The following MAF variants were observed in gnomAD, a reference collection of about 807,000 sequenced individuals.
MAF encodes MAF bZIP transcription factor.
In MAF, 10 loss-of-function variants were observed where a neutral mutation model predicts 22.0. That is an observed-to-expected ratio of 0.45 (90% CI 0.28 to 0.77). MAF has a LOEUF of 0.77. MAF is among the 30% of genes least tolerant of loss of function. The probability of loss-of-function intolerance (pLI) is 0.12; values close to 1 mark genes in which losing one functional copy is unlikely to be tolerated. For synonymous variants in MAF, 337 were observed against 255.8 expected (o/e 1.32, Z -3.03); for missense variants, 544 against 548.4 (o/e 0.99, Z 0.08).
At chr16:79,596,912 G>C in intron 1 of MAF, 2 of 1,049,660 alleles carry the variant, frequency 1.9e-6, no homozygotes, top group Non-Finnish European at 2.3e-6. Flanking sequence ...TATGCTTGCA[G>C]GTTATATCTT....
At chr16:79,554,744 C>G in the MAF span, among the ~76,000 whole-genome samples, 1 of 152,160 alleles carries the variant, frequency 6.6e-6, no homozygotes, top group African/African-American at 2.4e-5. Context: ...GAAGCTCCCA[C>G]AAATAAGATT....
the MAF span, among the ~76,000 whole-genome samples, chr16:79,450,003 A>C: frequency 1.3e-5 from 2 of 152,228 alleles, no homozygotes. Context: ...CGCCGCTAAA[A>C]CAATTGCTGC....
At chr16:79,319,409 T>G in the MAF span, among the ~76,000 whole-genome samples, 1 of 152,234 alleles carries the variant, frequency 6.6e-6, no homozygotes, top group African/African-American at 2.4e-5. Flanking sequence ...ATATAGTGCT[T>G]CTTTATAAAG....
the MAF span, among the ~76,000 whole-genome samples, chr16:79,246,464 A>G: frequency 7.0e-6 from 1 of 143,200 alleles, no homozygotes; most frequent in East Asian, 2.0e-4. Flanking sequence ...TCACATAGAC[A>G]CCCATTAAAA....
At chr16:79,525,611 T>C in the MAF span, among the ~76,000 whole-genome samples, 18 of 152,218 alleles carry the variant, frequency 1.2e-4, no homozygotes, top group Non-Finnish European at 2.1e-4. Flanking sequence ...TAATGTACGC[T>C]GCGTACTTTT....
the MAF span, among the ~76,000 whole-genome samples, chr16:79,527,741 G>C: frequency 1.3e-5 from 2 of 152,198 alleles, no homozygotes; most frequent in African/African-American, 4.8e-5. Context: ...GTTTGAAGAA[G>C]TGAATATTGT....
chr16:79,258,997 G>T, the MAF span, among the ~76,000 whole-genome samples: 1 of 152,136 alleles, frequency 6.6e-6, no homozygotes, highest in African/African-American at 2.4e-5. Flanking sequence ...AAAGAAGGGA[G>T]ATCCCCCCCA....
At chr16:79,506,366 CAG>C in the MAF span, among the ~76,000 whole-genome samples, 1 of 152,086 alleles carries the variant, frequency 6.6e-6, no homozygotes, top group Non-Finnish European at 1.5e-5. Flanking sequence ...GGGAAGGACT[CAG>C]GGTTTGAACA....
the MAF span, among the ~76,000 whole-genome samples, chr16:79,317,515 C>G: frequency 1.3e-5 from 2 of 149,698 alleles, no homozygotes; most frequent in African/African-American, 4.9e-5. Context: ...TTCTGCCTCC[C>G]TCCCTCCCTC....
chr16:79,435,954 A>C, the MAF span, among the ~76,000 whole-genome samples: 1 of 152,342 alleles, frequency 6.6e-6, no homozygotes, highest in African/African-American at 2.4e-5. Flanking sequence ...AGAAGGGTGC[A>C]GGAAGCCAAA....
At chr16:79,446,932 AAG>A in the MAF span, among the ~76,000 whole-genome samples, 1 of 152,188 alleles carries the variant, frequency 6.6e-6, no homozygotes, top group Non-Finnish European at 1.5e-5. Context: ...AATTAAAAAA[AAG>A]AGAGAGAAAA....
rs1913810316 is a variant in MAF, at chr16:79,599,198, G to A, written c.705C>T (p.Gly235=). ...CCCCCGCCCCCGCCGCGCCCCCGCC[G>A]CCTCCGCCGCCGCCGCCGCCGCCGC... ...GGGGGGGGGG[G]GGGAAGAGGA... is the part of the protein sequence containing the mutation. The change falls in exon 1 of 2, where the codon GGC becomes GGT. Residue 235 remains glycine, a synonymous_variant. Transcript: ENST00000326043. The A allele has an allele frequency of 1.0e-6, 1 of 983,354 alleles. No homozygotes were observed. The highest frequency in any genetic ancestry group is 1.2e-6 in the Non-Finnish European group (1 of 829,078). The allele number at this position is 983,354 out of a possible 1,614,324, so 60.9% of individuals were successfully genotyped here. A position where few individuals can be genotyped will look rare whatever the true frequency, so the allele number is the denominator to read the frequency against.
the MAF span, among the ~76,000 whole-genome samples, chr16:79,535,497 T>G: frequency 2.0e-5 from 3 of 151,298 alleles, no homozygotes; most frequent in African/African-American, 7.3e-5. Flanking sequence ...GGAAAGGAAA[T>G]ATTAGAAAGT....
chr16:79,472,977 C>G, the MAF span, among the ~76,000 whole-genome samples: 4 of 152,034 alleles, frequency 2.6e-5, no homozygotes, highest in Admixed American at 1.3e-4. Flanking sequence ...CAACACAATT[C>G]TGTCCTATGG....
the MAF span, among the ~76,000 whole-genome samples, chr16:79,234,554 T>C: frequency 6.6e-6 from 1 of 152,086 alleles, no homozygotes; most frequent in Non-Finnish European, 1.5e-5. Context: ...GTTAGATTCA[T>C]CTATAAAAGC....
the MAF span, among the ~76,000 whole-genome samples, chr16:79,213,313 T>C: frequency 2.0e-5 from 3 of 152,076 alleles, no homozygotes; most frequent in Admixed American, 6.6e-5. Context: ...ACAAACACCA[T>C]TGCCCTCCAG....
At chr16:79,223,362 A>G in the MAF span, among the ~76,000 whole-genome samples, 1 of 152,050 alleles carries the variant, frequency 6.6e-6, no homozygotes, top group Non-Finnish European at 1.5e-5. Flanking sequence ...CATTTAAACC[A>G]GTGTGTAGAG....
chr16:79,451,899 A>G, the MAF span, among the ~76,000 whole-genome samples: 1 of 152,302 alleles, frequency 6.6e-6, no homozygotes, highest in East Asian at 1.9e-4. Flanking sequence ...AGGTAGAGCA[A>G]ATTTATATTT....
At chr16:79,404,943 C>G in the MAF span, among the ~76,000 whole-genome samples, 1 of 152,178 alleles carries the variant, frequency 6.6e-6, no homozygotes, top group Admixed American at 6.5e-5. Flanking sequence ...TCAGCATGTA[C>G]TTATGGGGTG....
Sources: gnomAD v4.1 joint callset for allele counts (sites outside exome capture counted in the v4.1 genomes callset) on GRCh38, gnomAD v4.1.1 for gene constraint, MANE v1.5 for transcripts, NCBI Gene and HGNC (gene_info 2026-07-23, HGNC 2026-07-21) for gene names.